The following KCNJ6 variants were observed in gnomAD, a reference collection of about 807,000 sequenced individuals.
KCNJ6 encodes the protein G protein-activated inward rectifier potassium channel 2.
Under a neutral mutation model 34.2 loss-of-function variants are expected in KCNJ6, and 9 were observed. The observed-to-expected ratio is 0.26, with a 90% confidence interval of 0.16 to 0.46. The LOEUF (loss-of-function observed/expected upper bound fraction) is 0.46, where lower values mean the gene tolerates loss of function less well. Ranked by LOEUF, KCNJ6 falls within the 20% of genes least tolerant of loss-of-function variation. The pLI, the probability that KCNJ6 is intolerant of heterozygous loss-of-function variation, is 1.00. For missense variants in KCNJ6, 236 were observed against 531.3 expected (o/e 0.44, Z 5.46); for synonymous variants, 196 against 207.1 (o/e 0.95, Z 0.46).
intron 3 of KCNJ6, among the ~76,000 whole-genome samples, chr21:37,638,273 A>C (rs1482478560): frequency 6.6e-6 from 1 of 152,092 alleles, no homozygotes; most frequent in African/African-American, 2.4e-5. Flanking sequence ...CAGCCTCCCA[A>C]GTAGCTGGGA....
intron 3 of KCNJ6, among the ~76,000 whole-genome samples, chr21:37,634,710 G>A (rs1311937048): frequency 6.6e-6 from 1 of 151,562 alleles, no homozygotes; most frequent in Admixed American, 6.6e-5. Flanking sequence ...CTTTTATGAA[G>A]TTAAAATAAG....
chr21:37,815,034 G>A (rs1054153853), intron 2 of KCNJ6, among the ~76,000 whole-genome samples: 1 of 151,926 alleles, frequency 6.6e-6, no homozygotes, highest in African/African-American at 2.4e-5. Context: ...AACATCGCAT[G>A]TTCTCACTTA....
intron 2 of KCNJ6, among the ~76,000 whole-genome samples, chr21:37,779,800 T>C (rs1419768614): frequency 1.3e-5 from 2 of 152,192 alleles, no homozygotes; most frequent in Non-Finnish European, 2.9e-5. Flanking sequence ...CTTTTTGGAG[T>C]CACAAGTGAG....
intron 2 of KCNJ6, among the ~76,000 whole-genome samples, chr21:37,793,976 C>A (rs563901172): frequency 6.6e-6 from 1 of 152,322 alleles, no homozygotes; most frequent in African/African-American, 2.4e-5. Context: ...TAGTGCATTA[C>A]TTTTCAAACT....
At chr21:37,749,430 C>T (rs984595721) in intron 2 of KCNJ6, among the ~76,000 whole-genome samples, 3 of 152,074 alleles carry the variant, frequency 2.0e-5, no homozygotes, top group African/African-American at 7.2e-5. Context: ...TGCAGGGAGC[C>T]CCATAGGGAC....
Position 37,623,433 on chromosome 21 carries a change from A to G in KCNJ6, c.*1726T>C, listed in dbSNP as rs920306755. 2.0e-5 allele frequency: 3 copies of G among 152,236 alleles called. No individual in the cohort carries two copies. The highest frequency in any genetic ancestry group is 3.9e-4 in the East Asian group (2 of 5,192). The allele number at this position is 152,236 out of a possible 1,614,324, so 9.4% of individuals were successfully genotyped here. A position where few individuals can be genotyped will look rare whatever the true frequency, so the allele number is the denominator to read the frequency against. On this transcript the variant is annotated 3_prime_UTR_variant, in exon 4 of 4. Transcript: ENST00000609713. ...CTGAAAATAAACTTGGATCCATTCA[A>G]TGAATATTTATGATGGGCAACTGTG...
chr21:37,678,638 G>T (rs537216700), intron 3 of KCNJ6, among the ~76,000 whole-genome samples: 2 of 152,286 alleles, frequency 1.3e-5, no homozygotes, highest in East Asian at 3.9e-4. Flanking sequence ...ATGGGTGGGT[G>T]GATGGATGGA....
intron 3 of KCNJ6, among the ~76,000 whole-genome samples, chr21:37,661,538 A>G: frequency 6.6e-6 from 1 of 151,568 alleles, no homozygotes. Context: ...CCTGCCTTAG[A>G]CTACCAGTAA....
chr21:37,771,467 CA>C (rs2055117479), intron 2 of KCNJ6, among the ~76,000 whole-genome samples: 1 of 152,200 alleles, frequency 6.6e-6, no homozygotes, highest in Non-Finnish European at 1.5e-5. Flanking sequence ...CACAATTACA[CA>C]AACCTATTCT....
At chr21:37,816,064 T>C (rs1272596045) in intron 2 of KCNJ6, among the ~76,000 whole-genome samples, 4 of 152,180 alleles carry the variant, frequency 2.6e-5, no homozygotes, top group Non-Finnish European at 4.4e-5. Context: ...TGCTGGCCTC[T>C]GAAGGGAACC....
intron 3 of KCNJ6, among the ~76,000 whole-genome samples, chr21:37,680,307 A>G (rs908941005): frequency 1.4e-4 from 22 of 152,304 alleles, no homozygotes; most frequent in African/African-American, 5.3e-4. Flanking sequence ...ACCCAGCATT[A>G]TGTTTCTCCC....
At chr21:37,709,308 T>C (rs779666823) in intron 3 of KCNJ6, among the ~76,000 whole-genome samples, 17 of 151,840 alleles carry the variant, frequency 1.1e-4, no homozygotes, top group Non-Finnish European at 1.9e-4. Context: ...GGTGGGGAGT[T>C]CCAGACCAGC....
chr21:37,829,136 T>G (rs2055412921), intron 2 of KCNJ6, among the ~76,000 whole-genome samples: 1 of 106,822 alleles, frequency 9.4e-6, no homozygotes, highest in South Asian at 3.4e-4. Context: ...GAAGTGGGAG[T>G]GGCGGGAGGT....
At chr21:37,697,162 C>T (rs1032252875) in intron 3 of KCNJ6, among the ~76,000 whole-genome samples, 12 of 152,140 alleles carry the variant, frequency 7.9e-5, no homozygotes, top group East Asian at 1.9e-4. Context: ...GTTTGACCAC[C>T]GTGTGGCTTA....
chr21:37,728,109 G>A (rs554828474), intron 2 of KCNJ6, among the ~76,000 whole-genome samples: 2 of 152,368 alleles, frequency 1.3e-5, no homozygotes, highest in South Asian at 4.1e-4. Context: ...ATACAGTGGA[G>A]TATTATTCAG....
chr21:37,821,289 C>A (rs1212960054), intron 2 of KCNJ6, among the ~76,000 whole-genome samples: 2 of 152,192 alleles, frequency 1.3e-5, no homozygotes, highest in Non-Finnish European at 2.9e-5. Flanking sequence ...TGTATAACCA[C>A]TACCTCCATC....
At chr21:37,627,195 CAGCTGTCAGAGCCT>C (rs1407513710) in intron 3 of KCNJ6, among the ~76,000 whole-genome samples, 2 of 152,228 alleles carry the variant, frequency 1.3e-5, no homozygotes, top group Non-Finnish European at 2.9e-5. Context: ...GACTCAGCTA[CAGCTGTCAGAGCCT>C]GAGCCAGCAC....
intron 2 of KCNJ6, among the ~76,000 whole-genome samples, chr21:37,810,974 T>A (rs1158976485): frequency 6.6e-6 from 1 of 152,246 alleles, no homozygotes; most frequent in South Asian, 2.1e-4. Context: ...GGATGGGAAC[T>A]GATCATCAGA....
At chr21:37,685,410 A>ACG in intron 3 of KCNJ6, among the ~76,000 whole-genome samples, 1 of 148,482 alleles carries the variant, frequency 6.7e-6, no homozygotes, top group South Asian at 2.2e-4. Context: ...GGCCGGGTGC[A>ACG]GTGGGTCACG....
Sources: gnomAD v4.1 joint callset for allele counts (sites outside exome capture counted in the v4.1 genomes callset) on GRCh38, gnomAD v4.1.1 for gene constraint, MANE v1.5 for transcripts, NCBI Gene and HGNC (gene_info 2026-07-23, HGNC 2026-07-21) for gene names.